Variants in ZC3H12C observed in about 807,000 individuals in gnomAD.
The protein encoded by ZC3H12C is zinc finger CCCH-type containing 12C.
In ZC3H12C, 20 loss-of-function variants were observed where a neutral mutation model predicts 76.3. The ratio of observed to expected loss-of-function variants is 0.26; its 90% CI spans 0.18 to 0.38. ZC3H12C has a LOEUF of 0.38. Among genes scored for constraint, ZC3H12C ranks in the 10% least tolerant of loss-of-function variants. The probability of loss-of-function intolerance (pLI) is 1.00; values close to 1 mark genes in which losing one functional copy is unlikely to be tolerated. For missense variants in ZC3H12C, 874 were observed against 1,086.5 expected (o/e 0.80, Z 2.75); for synonymous variants, 352 against 399.6 (o/e 0.88, Z 1.42).
rs1861970456 is a variant in ZC3H12C at position 110,136,821 on chromosome 11, G to T, written c.180G>T (p.Trp60Cys). 2 of 1,613,772 alleles carry T rather than the reference G, an allele frequency of 1.2e-6. No homozygotes were observed. The highest frequency in any genetic ancestry group is 2.2e-5 in the South Asian group (2 of 91,076). The change falls in exon 2 of 6, where the codon TGG becomes TGT. Residue 60 changes from tryptophan (W) to cysteine (C), a missense_variant. By Grantham distance (215) the Trp-to-Cys change is radical (BLOSUM62 -2). Around this residue, in one of 3 missense-constraint regions of ZC3H12C, gnomAD observed 210 missense variants for 227.1 expected, o/e 0.92. Transcript: ENST00000278590. The part of the protein sequence containing the change: ...TDPQLSPAVP[W>C]STVENPSMDT... ...CACAGTTAAGTCCAGCTGTACCTTG[G>T]TCAACAGTAGAAAACCCAAGTATGG...
In ZC3H12C at chr11:110,167,697, A is replaced by G. The variant is rs888869333; in HGVS notation, c.*1960A>G. 6 of 152,212 alleles carry G rather than the reference A, an allele frequency of 3.9e-5. No homozygotes were observed. The highest frequency in any genetic ancestry group is 8.8e-5 in the Non-Finnish European group (6 of 68,016). The allele number at this position is 152,212 out of a possible 1,614,324, so 9.4% of individuals were successfully genotyped here. A position where few individuals can be genotyped will look rare whatever the true frequency, so the allele number is the denominator to read the frequency against. ...GGCATTGTGCATATTGACATAACCAATAATCTGAACCGTGTTCAGCAAACT... is the reference window on the plus strand; with the variant it reads ...GGCATTGTGCATATTGACATAACCAGTAATCTGAACCGTGTTCAGCAAACT... On this transcript the variant is annotated 3_prime_UTR_variant, in exon 6 of 6. Coordinates refer to ENST00000278590, the MANE Select transcript of ZC3H12C (RefSeq NM_033390.2).
intron 1 of ZC3H12C, among the ~76,000 whole-genome samples, chr11:110,097,094 C>G (rs1451344592): frequency 6.6e-6 from 1 of 152,152 alleles, no homozygotes. Flanking sequence ...CACCTGTAAT[C>G]CCATAATCCA....
At chr11:110,161,144 A>G (rs919162237) in intron 4 of ZC3H12C, among the ~76,000 whole-genome samples, 2 of 152,106 alleles carry the variant, frequency 1.3e-5, no homozygotes, top group Non-Finnish European at 2.9e-5. Context: ...ACGCACAGCC[A>G]GTGACATCAT....
chr11:110,093,677 G>C (rs972719990), intron 1 of ZC3H12C, among the ~76,000 whole-genome samples: 2 of 152,012 alleles, frequency 1.3e-5, no homozygotes, highest in Non-Finnish European at 2.9e-5. Context: ...GGGCAACGCC[G>C]TCCCCGCCGG....
intron 2 of ZC3H12C, among the ~76,000 whole-genome samples, chr11:110,148,938 T>C (rs1453753578): frequency 1.3e-5 from 2 of 152,242 alleles, no homozygotes; most frequent in Admixed American, 1.3e-4. Flanking sequence ...TGTAATTCTT[T>C]ATCAGTACCT....
chr11:110,113,397 T>A (rs900962360), intron 1 of ZC3H12C, among the ~76,000 whole-genome samples: 2 of 152,244 alleles, frequency 1.3e-5, no homozygotes, highest in East Asian at 1.9e-4. Flanking sequence ...ACACTTTATG[T>A]CAAAATCATG....
At chr11:110,147,503 G>A (rs1014796455) in intron 2 of ZC3H12C, among the ~76,000 whole-genome samples, 2 of 151,848 alleles carry the variant, frequency 1.3e-5, no homozygotes, top group African/African-American at 4.8e-5. Flanking sequence ...TAATGCTCGC[G>A]GGGCTTAAAA....
At position 110,171,081 on chromosome 11, in the gene ZC3H12C, A is replaced by G. The variant is rs868498181; in HGVS notation, c.*5344A>G. ...CTTGAACCATGTACCAAATTTGCCA[A>G]TTTTCTGTCCAAGTGTTTCAGATGA... On this transcript the variant is annotated 3_prime_UTR_variant, in exon 6 of 6. Coordinates refer to ENST00000278590, the MANE Select transcript of ZC3H12C (RefSeq NM_033390.2). 1.3e-5 allele frequency: 2 copies of G among 152,284 alleles called. No individual in the cohort carries two copies. Among genetic ancestry groups the G allele is most frequent in the Middle Eastern group, 3.4e-3 (1 of 294 alleles). The allele number at this position is 152,284 out of a possible 1,614,324, so 9.4% of individuals were successfully genotyped here.
chr11:110,106,365 G>C (rs1016806409), intron 1 of ZC3H12C, among the ~76,000 whole-genome samples: 1 of 152,166 alleles, frequency 6.6e-6, no homozygotes, highest in Non-Finnish European at 1.5e-5. Context: ...ACCCATCACT[G>C]TTTCCCCACA....
chr11:110,117,906 C>T (rs978021519), intron 1 of ZC3H12C, among the ~76,000 whole-genome samples: 1 of 107,440 alleles, frequency 9.3e-6, no homozygotes, highest in African/African-American at 3.4e-5. Flanking sequence ...TACACACACA[C>T]ATATATATTA....
Position 110,165,278 on chromosome 11 carries a change from A to G in ZC3H12C, c.2193A>G (p.Ser731=). The part of the protein sequence containing the change: ...CPGDYPSPPS[S]AHSKAPHLGR... ...GCGACTACCCCTCTCCTCCAAGTTC[A>G]GCACACTCTAAGGCACCACACCTAG... Residue 731 remains serine, a synonymous_variant, in exon 6 of 6, where the codon TCA becomes TCG. Coordinates refer to ENST00000278590, the MANE Select transcript of ZC3H12C (RefSeq NM_033390.2). The G allele has an allele frequency of 1.2e-5, 19 of 1,613,982 alleles. No homozygotes were observed. Among genetic ancestry groups the G allele is most frequent in the Non-Finnish European group, 1.4e-5 (17 of 1,179,878 alleles).
intron 1 of ZC3H12C, among the ~76,000 whole-genome samples, chr11:110,115,097 T>C (rs1861500660): frequency 6.6e-6 from 1 of 152,016 alleles, no homozygotes; most frequent in Non-Finnish European, 1.5e-5. Context: ...CTCATTTTCT[T>C]TATTTTTATG....
At chr11:110,098,996 T>A (rs979445857) in intron 1 of ZC3H12C, among the ~76,000 whole-genome samples, 17 of 152,248 alleles carry the variant, frequency 1.1e-4, no homozygotes, top group African/African-American at 3.9e-4. Flanking sequence ...AAAGGATACA[T>A]CTTTTTCCTG....
At chr11:110,148,896 T>C (rs1202654473) in intron 2 of ZC3H12C, among the ~76,000 whole-genome samples, 1 of 152,224 alleles carries the variant, frequency 6.6e-6, no homozygotes, top group African/African-American at 2.4e-5. Flanking sequence ...CATCCTGTTT[T>C]TCATCATTCT....
intron 1 of ZC3H12C, among the ~76,000 whole-genome samples, chr11:110,108,710 T>C (rs1861375935): frequency 6.6e-6 from 1 of 152,236 alleles, no homozygotes; most frequent in African/African-American, 2.4e-5. Context: ...TCCTGACTTC[T>C]CTCTTGTACA....
chr11:110,165,427 G>A lies in ZC3H12C; in HGVS notation c.2342G>A (p.Gly781Asp). 2 of 1,613,998 alleles carry A rather than the reference G, an allele frequency of 1.2e-6. No homozygotes were observed. Among genetic ancestry groups the A allele is most frequent in the Non-Finnish European group, 1.7e-6 (2 of 1,179,884 alleles). ...QEGLGSWERPGYGIDAYGYRQ... is the reference protein window; with the variant it reads ...QEGLGSWERPDYGIDAYGYRQ... ...GGCCTGGGAAGCTGGGAGAGGCCAG[G>A]CTATGGGATCGACGCCTATGGGTAC... Residue 781 changes from glycine (G) to aspartate (D), a missense_variant, in exon 6 of 6, where the codon GGC becomes GAC. Physicochemically the swap from Gly to Asp is moderately conservative, Grantham distance 94 (BLOSUM62 -1). This residue lies in a region of ZC3H12C where 395 missense variants were observed against 434.4 expected (regional missense o/e 0.91). Coordinates refer to ENST00000278590, the MANE Select transcript of ZC3H12C (RefSeq NM_033390.2).
chr11:110,145,004 G>A (rs1047536217), intron 2 of ZC3H12C, among the ~76,000 whole-genome samples: 1 of 152,060 alleles, frequency 6.6e-6, no homozygotes, highest in Non-Finnish European at 1.5e-5. Context: ...TTTAGATATG[G>A]CAGATCTAAA....
chr11:110,100,111 A>G (rs199621378), intron 1 of ZC3H12C, among the ~76,000 whole-genome samples: 1 of 152,162 alleles, frequency 6.6e-6, no homozygotes, highest in Non-Finnish European at 1.5e-5. Context: ...CCCTGAGGGC[A>G]AGGACTCTGA....
intron 1 of ZC3H12C, among the ~76,000 whole-genome samples, chr11:110,133,385 G>C (rs1201287803): frequency 6.6e-6 from 1 of 152,086 alleles, no homozygotes; most frequent in East Asian, 1.9e-4. Flanking sequence ...TGCTTGTTTA[G>C]TACACGATGA....
Sources: allele counts gnomAD v4.1 joint callset (sites outside exome capture counted in the v4.1 genomes callset), GRCh38; gene constraint gnomAD v4.1.1; regional missense constraint gnomAD v4.1.1; transcripts MANE v1.5; gene names NCBI Gene and HGNC (gene_info 2026-07-23, HGNC 2026-07-21).